The following VIPR2 variants were observed in gnomAD, a reference collection of about 807,000 sequenced individuals.
VIPR2 encodes the protein vasoactive intestinal peptide receptor 2, also known as vasoactive intestinal polypeptide receptor 2.
In VIPR2, 48 loss-of-function variants were observed where a neutral mutation model predicts 58.0. That is an observed-to-expected ratio of 0.83 (90% CI 0.66 to 1.05). The LOEUF (loss-of-function observed/expected upper bound fraction) is 1.05. Among genes scored for constraint, VIPR2 ranks in the 50% least tolerant of loss-of-function variants. The probability of loss-of-function intolerance (pLI) is 0.00; values close to 1 mark genes in which losing one functional copy is unlikely to be tolerated. For synonymous variants in VIPR2, 243 were observed against 235.2 expected, an observed-to-expected ratio of 1.03 and a Z score of -0.30; for missense variants, 534 against 558.0, an observed-to-expected ratio of 0.96 and a Z score of 0.43.
intron 2 of VIPR2, among the ~76,000 whole-genome samples, chr7:159,126,209 A>G (rs1316567609): frequency 6.6e-6 from 1 of 152,216 alleles, no homozygotes; most frequent in East Asian, 1.9e-4. Context: ...CAGGTGGCCA[A>G]TTACAAAATA....
chr7:159,082,436 A>G (rs908647569), intron 4 of VIPR2, among the ~76,000 whole-genome samples: 3 of 151,622 alleles, frequency 2.0e-5, no homozygotes, highest in African/African-American at 7.3e-5. Context: ...GGACACAGGA[A>G]GGGGAACATC....
Position 159,058,521 on chromosome 7 carries a change from TCA to T in VIPR2, c.413_414del (p.Leu138HisfsTer56). On this transcript the variant is annotated frameshift_variant, in exon 5 of 13. Coordinates refer to ENST00000262178, the MANE Select transcript of VIPR2 (RefSeq NM_003382.5). LOFTEE classifies it high-confidence loss of function. ...ATTATGCTTCCTGTTGCAAGAGACA[TCA>T]GAGAGACACTGTAGCCCAGTGTATA... ...AIYTLGYSVS[L>X]MSLATGSIIL... The T allele has an allele frequency of 2.5e-6, 4 of 1,613,620 alleles. No individual in the cohort carries two copies. Among genetic ancestry groups the T allele is most frequent in the Non-Finnish European group, 2.5e-6 (3 of 1,179,582 alleles).
intron 2 of VIPR2, among the ~76,000 whole-genome samples, chr7:159,110,973 T>C (rs1795976416): frequency 6.6e-6 from 1 of 152,260 alleles, no homozygotes; most frequent in African/African-American, 2.4e-5. Flanking sequence ...AATAAGTACA[T>C]AAATTCATAT....
chr7:159,094,766 A>C (rs566824675), intron 4 of VIPR2, among the ~76,000 whole-genome samples: 10 of 152,324 alleles, frequency 6.6e-5, no homozygotes, highest in Non-Finnish European at 1.3e-4. Context: ...TGTTTCCTTT[A>C]TGGTATGTCC....
rs777184869 is a variant in VIPR2 at position 159,030,742 on chromosome 7, C to A, written c.1191G>T (p.Pro397=). 2.5e-6 allele frequency: 4 copies of A among 1,588,628 alleles called. No individual in the cohort carries two copies. Among genetic ancestry groups the A allele is most frequent in the Non-Finnish European group, 3.4e-6 (4 of 1,169,676 alleles). The change falls in exon 13 of 13, where the codon CCG becomes CCT. Residue 397 remains proline, a synonymous_variant. Coordinates refer to ENST00000262178, the MANE Select transcript of VIPR2 (RefSeq NM_003382.5). The part of the protein sequence containing the change: ...KRKWRSRCPT[P]SASRDYRVCG... ...AGACCCTGTAATCCCGGCTCGCGGA[C>A]GGGGTCGGGCACCGGCTTCGCCATT...
intron 4 of VIPR2, among the ~76,000 whole-genome samples, chr7:159,101,965 G>T (rs1858296232): frequency 6.7e-6 from 1 of 149,126 alleles, no homozygotes; most frequent in Non-Finnish European, 1.5e-5. Context: ...ATCCGACGAG[G>T]TGGTTCCGAC....
At chr7:159,040,448 C>T (rs935269322) in intron 6 of VIPR2, among the ~76,000 whole-genome samples, 4 of 152,322 alleles carry the variant, frequency 2.6e-5, no homozygotes, top group Middle Eastern at 3.4e-3. Context: ...CCACAGACCC[C>T]GCAGGGGAAC....
In VIPR2 at chr7:159,053,998, G is replaced by C. The variant is rs1855154337; in HGVS notation, c.455+4483C>G. On this transcript the variant is annotated intron_variant, in intron 5 of 12. Transcript: ENST00000262178. ...TAGGAATAAAGACTTATTAAAGGCA[G>C]GGTAATTATAATAAACAGAAACAGT... is the stretch of plus-strand genomic sequence containing the variant. Among the ~76,000 whole-genome samples the C allele has an allele frequency of 2.0e-5, 3 of 152,314 alleles. 1 individual carries two copies. The South Asian group carries it at 6.2e-4, about 32-fold the overall frequency.
rs547709637 is a variant in VIPR2, at chr7:159,057,391, T to C, written c.455+1090A>G. Among the ~76,000 whole-genome samples, 13 of 152,324 alleles carry C rather than the reference T, an allele frequency of 8.5e-5. No individual in the cohort carries two copies. In the East Asian group the frequency reaches 1.5e-3, roughly 18 times the overall value. ...CAGCCCTGTATCAAAGGTAGACTTA[T>C]TCTTTCTGAGAATTACCAACCATAG... On this transcript the variant is annotated intron_variant, in intron 5 of 12. Transcript: ENST00000262178.
chr7:159,087,854 C>T (rs1298197847), intron 4 of VIPR2, among the ~76,000 whole-genome samples: 2 of 151,866 alleles, frequency 1.3e-5, no homozygotes, highest in Non-Finnish European at 2.9e-5. Context: ...GATACAGCTT[C>T]CCCAACAAAC....
chr7:159,110,052 A>C, intron 2 of VIPR2, 133 bp from the exon 3 acceptor site: 1 of 770,204 alleles, frequency 1.3e-6, no homozygotes, highest in Non-Finnish European at 2.1e-6. Flanking sequence ...AATTATTGAG[A>C]CTATAGTTAG....
chr7:159,056,482 G>C (rs1190512308), intron 5 of VIPR2, among the ~76,000 whole-genome samples: 1 of 152,168 alleles, frequency 6.6e-6, no homozygotes, highest in Non-Finnish European at 1.5e-5. Context: ...TGTGGACCCT[G>C]CTGGACTGGC....
chr7:159,067,667 T>C (rs1186488561), intron 4 of VIPR2, among the ~76,000 whole-genome samples: 2 of 152,372 alleles, frequency 1.3e-5, no homozygotes, highest in East Asian at 3.9e-4. Flanking sequence ...GAAGTGTTCA[T>C]GATCAGAAAG....
Position 159,101,795 on chromosome 7 carries a change from G to C in VIPR2, c.357+1962C>G, listed in dbSNP as rs532374303. ...CTGTGACAGTGAACGGGTCTCACGA[G>C]ATCCGACGAGGCCGTTCCCCCGACC... On this transcript the variant is annotated intron_variant, in intron 4 of 12. Transcript: ENST00000262178. Among the ~76,000 whole-genome samples, 77 of 139,164 alleles carry C rather than the reference G, an allele frequency of 5.5e-4. 2 individuals carry two copies. Among genetic ancestry groups the C allele is most frequent in the African/African-American group, 2.2e-3 (77 of 34,798 alleles). The allele number at this position is 139,164 out of a possible 152,430, so 91.3% of individuals were successfully genotyped here.
chr7:159,114,123 C>A (rs1796145533), intron 2 of VIPR2, among the ~76,000 whole-genome samples: 1 of 151,938 alleles, frequency 6.6e-6, no homozygotes, highest in South Asian at 2.1e-4. Context: ...ATTGTGCAGG[C>A]CAAAGCAAAA....
At chr7:159,080,995 A>G (rs1856873269) in intron 4 of VIPR2, among the ~76,000 whole-genome samples, 1 of 152,254 alleles carries the variant, frequency 6.6e-6, no homozygotes, top group South Asian at 2.1e-4. Context: ...AGAACATTCC[A>G]TGCTCATGGG....
At position 159,036,890 on chromosome 7, in the gene VIPR2, G is replaced by C. The variant is rs780145643; in HGVS notation, c.610C>G (p.Leu204Val). Residue 204 changes from leucine to valine, a missense_variant, in exon 7 of 13, where the codon CTG (leucine) becomes GTG (valine). By Grantham distance (32) the Leu-to-Val change is conservative (BLOSUM62 1). Around this residue, in one of 3 missense-constraint regions of VIPR2, gnomAD observed 224 missense variants for 255.7 expected, o/e 0.88. Transcript: ENST00000262178. ...DQPSSWVGCK[L>V]SLVFLQYCIM... ...CAGTACTGCAGGAAGACCAGGCTCA[G>C]CTTGCAGCCCACCTGGAAACCGCAA... The C allele has an allele frequency of 6.8e-6, 11 of 1,612,128 alleles. No homozygotes were observed. The highest frequency in any genetic ancestry group is 1.7e-4 in the Middle Eastern group (1 of 6,046).
chr7:159,071,479 C>A (rs535617908), intron 4 of VIPR2, among the ~76,000 whole-genome samples: 1 of 152,214 alleles, frequency 6.6e-6, no homozygotes, highest in African/African-American at 2.4e-5. Flanking sequence ...ATGGGCATCG[C>A]GTTCTGTTCT....
At chr7:159,137,976 G>A (rs947195631) in intron 2 of VIPR2, among the ~76,000 whole-genome samples, 10 of 152,212 alleles carry the variant, frequency 6.6e-5, no homozygotes, top group Non-Finnish European at 7.3e-5. Flanking sequence ...CTCTGCCGTG[G>A]ATGCCAAAAC....
Sources: allele counts gnomAD v4.1 joint callset (sites outside exome capture counted in the v4.1 genomes callset), GRCh38; gene constraint gnomAD v4.1.1; regional missense constraint gnomAD v4.1.1; transcripts MANE v1.5; gene names NCBI Gene and HGNC (gene_info 2026-07-23, HGNC 2026-07-21).